The following PITPNC1 variants were observed in gnomAD, a reference collection of about 807,000 sequenced individuals.
The protein encoded by PITPNC1 is phosphatidylinositol transfer protein cytoplasmic 1.
In PITPNC1, 18 loss-of-function variants were observed where a neutral mutation model predicts 44.7. The ratio of observed to expected loss-of-function variants is 0.40; its 90% confidence interval spans 0.28 to 0.60. The LOEUF is 0.60. PITPNC1 is among the 20% of genes least tolerant of loss of function. PITPNC1 has a pLI of 0.39. For missense variants in PITPNC1, 290 were observed against 418.4 expected, an observed-to-expected ratio of 0.69 and a Z score of 2.68; for synonymous variants, 141 against 149.6, an observed-to-expected ratio of 0.94 and a Z score of 0.42.
chr17:67,562,847 C>A (rs1015606334), intron 4 of PITPNC1, among the ~76,000 whole-genome samples: 6 of 152,082 alleles, frequency 3.9e-5, no homozygotes, highest in African/African-American at 1.4e-4. Flanking sequence ...GCCTTCCAAG[C>A]GTGGGGTAAA....
intron 6 of PITPNC1, among the ~76,000 whole-genome samples, chr17:67,633,464 G>A (rs532720841): frequency 1.9e-4 from 29 of 152,310 alleles, no homozygotes; most frequent in African/African-American, 6.5e-4. Flanking sequence ...AATTGCAGGC[G>A]CTTATGTTCA....
At chr17:67,593,438 C>T (rs2041419263) in intron 5 of PITPNC1, among the ~76,000 whole-genome samples, 1 of 151,970 alleles carries the variant, frequency 6.6e-6, no homozygotes, top group African/African-American at 2.4e-5. Flanking sequence ...CACCCTTTGT[C>T]ACCCAGGCTG....
In PITPNC1 at chr17:67,675,554, T is replaced by C. The variant is rs781285228; in HGVS notation, c.682+12T>C. Reference sequence around the variant, plus strand: ...TGATGAGTGGTATGGTAAGTCAATTTCTCCAAAATAACTTGTAGAACAACT... The same window carrying C: ...TGATGAGTGGTATGGTAAGTCAATTCCTCCAAAATAACTTGTAGAACAACT... On this transcript the variant is annotated intron_variant, in intron 8 of 8. Transcript: ENST00000581322. 3 of 1,568,304 alleles carry C rather than the reference T, an allele frequency of 1.9e-6. No homozygotes were observed. The highest frequency in any genetic ancestry group is 2.6e-6 in the Non-Finnish European group (3 of 1,138,342).
intron 1 of PITPNC1, among the ~76,000 whole-genome samples, chr17:67,405,241 C>T (rs1232179432): frequency 2.7e-5 from 4 of 150,568 alleles, no homozygotes; most frequent in African/African-American, 7.3e-5. Flanking sequence ...AGTAAGACTC[C>T]GTTTAAAAAA....
chr17:67,656,627 A>G (rs2042271332), intron 6 of PITPNC1, among the ~76,000 whole-genome samples: 1 of 152,192 alleles, frequency 6.6e-6, no homozygotes. Context: ...GTTGGGACCC[A>G]GCAGGGGTTT....
At chr17:67,495,707 C>A (rs562288396) in intron 1 of PITPNC1, among the ~76,000 whole-genome samples, 1 of 152,298 alleles carries the variant, frequency 6.6e-6, no homozygotes, top group African/African-American at 2.4e-5. Flanking sequence ...TTGCAAAGGA[C>A]GTGATCTCAA....
chr17:67,545,194 C>T (rs1319558678), intron 2 of PITPNC1, among the ~76,000 whole-genome samples: 1 of 152,112 alleles, frequency 6.6e-6, no homozygotes, highest in Admixed American at 6.5e-5. Flanking sequence ...CTCTTGTAGT[C>T]CTAGCTACTC....
At chr17:67,387,598 G>A (rs1483845667) in intron 1 of PITPNC1, among the ~76,000 whole-genome samples, 1 of 152,184 alleles carries the variant, frequency 6.6e-6, no homozygotes, top group Non-Finnish European at 1.5e-5. Flanking sequence ...CCCGGGAGGT[G>A]GAAGTTGCAG....
intron 2 of PITPNC1, among the ~76,000 whole-genome samples, chr17:67,544,598 A>G (rs2040652742): frequency 1.3e-5 from 2 of 152,268 alleles, no homozygotes; most frequent in South Asian, 4.1e-4. Context: ...TTTCAGGGAG[A>G]GAACATTTTT....
intron 1 of PITPNC1, among the ~76,000 whole-genome samples, chr17:67,385,140 G>C (rs2038022434): frequency 6.6e-6 from 1 of 152,182 alleles, no homozygotes; most frequent in Non-Finnish European, 1.5e-5. Context: ...GTGGGGACTT[G>C]GAGAACTTTT....
In PITPNC1 at chr17:67,664,024, G is replaced by A. The variant is rs180787777; in HGVS notation, c.463-5484G>A. ...GTCGCCCATGCTGGAGTGCAGTGGCGTGATCTTGGCTCACTGCAACCTCCA... is the reference window on the plus strand; with the variant it reads ...GTCGCCCATGCTGGAGTGCAGTGGCATGATCTTGGCTCACTGCAACCTCCA... On this transcript the variant is annotated intron_variant, in intron 6 of 8. Coordinates refer to ENST00000581322, the MANE Select transcript of PITPNC1 (RefSeq NM_012417.4). Among the ~76,000 whole-genome samples, 132 of 152,168 alleles carry A rather than the reference G, an allele frequency of 8.7e-4. 1 individual carries two copies. The highest frequency in any genetic ancestry group is 2.9e-3 in the African/African-American group (121 of 41,522).
chr17:67,642,057 C>A (rs530831653), intron 6 of PITPNC1, among the ~76,000 whole-genome samples: 1 of 151,838 alleles, frequency 6.6e-6, no homozygotes, highest in African/African-American at 2.4e-5. Context: ...TTAAATTGCC[C>A]CTGACTCACA....
rs10524740 is a variant in PITPNC1 at position 67,631,657 on chromosome 17, A to ATATATATAT, written c.367-486_367-485insTATATATAT. Among the ~76,000 whole-genome samples the ATATATATAT allele has an allele frequency of 7.0e-3, 54 of 7,674 alleles. 3 individuals carry two copies. Among genetic ancestry groups the ATATATATAT allele is most frequent in the African/African-American group, 0.015 (40 of 2,714 alleles). 5.0% of individuals were successfully genotyped at this position (7,674 alleles called of 152,430 possible). On this transcript the variant is annotated intron_variant, in intron 5 of 8. Transcript: ENST00000581322. ...AACCAAAAAAAAAAAAAAAAAAAAA[A>ATATATATAT]ATATATATATATATAAAATATATAT...
At chr17:67,406,825 G>C (rs1474049919) in intron 1 of PITPNC1, among the ~76,000 whole-genome samples, 2 of 152,122 alleles carry the variant, frequency 1.3e-5, no homozygotes, top group Non-Finnish European at 2.9e-5. Flanking sequence ...GGCCTCAGGT[G>C]ATCCATCCAC....
intron 4 of PITPNC1, among the ~76,000 whole-genome samples, chr17:67,572,099 G>A (rs551284020): frequency 3.9e-4 from 59 of 152,300 alleles, no homozygotes; most frequent in Admixed American, 2.0e-3. Flanking sequence ...TGCTTCAGCA[G>A]CCCTTAGACA....
chr17:67,619,416 G>A (rs955018768), intron 5 of PITPNC1, among the ~76,000 whole-genome samples: 2 of 151,920 alleles, frequency 1.3e-5, no homozygotes, highest in East Asian at 1.9e-4. Flanking sequence ...TTTTTTAATC[G>A]GCTCCCTCAA....
chr17:67,513,414 C>T (rs2040216073), intron 1 of PITPNC1, among the ~76,000 whole-genome samples: 1 of 141,802 alleles, frequency 7.1e-6, no homozygotes, highest in African/African-American at 2.7e-5. Flanking sequence ...TCTACATCTA[C>T]ATATGTGTGT....
chr17:67,603,951 A>AC (rs2041575585), intron 5 of PITPNC1, among the ~76,000 whole-genome samples: 1 of 151,978 alleles, frequency 6.6e-6, no homozygotes, highest in East Asian at 1.9e-4. Flanking sequence ...TTAAAAAAAA[A>AC]AAAAAAACTG....
chr17:67,633,759 G>A (rs748677204), intron 6 of PITPNC1, among the ~76,000 whole-genome samples: 46 of 152,334 alleles, frequency 3.0e-4, no homozygotes, highest in African/African-American at 7.2e-4. Context: ...CTGATGATGC[G>A]CAGAGCATTG....
Sources: allele counts gnomAD v4.1 joint callset (sites outside exome capture counted in the v4.1 genomes callset), GRCh38; gene constraint gnomAD v4.1.1; transcripts MANE v1.5; gene names NCBI Gene and HGNC (gene_info 2026-07-23, HGNC 2026-07-21).